The following EML6 variants were observed in gnomAD, a reference collection of about 807,000 sequenced individuals.
The protein encoded by EML6 is echinoderm microtubule-associated protein-like 6.
In EML6, 154 loss-of-function variants were observed where a neutral mutation model predicts 240.1. That is an observed-to-expected ratio of 0.64 (90% confidence interval 0.56 to 0.73). The LOEUF (loss-of-function observed/expected upper bound fraction) is 0.73, where lower values mean the gene tolerates loss of function less well. EML6 is among the 30% of genes least tolerant of loss of function. The pLI, the probability that EML6 is intolerant of heterozygous loss-of-function variation, is 0.00. For missense variants in EML6, 2,964 were observed against 2,474.6 expected (o/e 1.20, Z -4.20); for synonymous variants, 1,148 against 899.0 (o/e 1.28, Z -4.95).
intron 2 of EML6, among the ~76,000 whole-genome samples, chr2:54,806,585 C>T (rs1191941317): frequency 1.5e-5 from 2 of 130,250 alleles, no homozygotes; most frequent in African/African-American, 5.7e-5. Context: ...TGCACTCCAG[C>T]CTGGGCAACA....
chr2:54,959,189 A>G lies in EML6; in HGVS notation c.4781A>G (p.His1594Arg). 1 of 1,551,678 alleles carries G rather than the reference A, an allele frequency of 6.4e-7. No homozygotes were observed. Among genetic ancestry groups the G allele is most frequent in the Non-Finnish European group, 8.7e-7 (1 of 1,146,980 alleles). ...CTCATCCGGCTGGTGGCCAAGGCTC[A>G]CACAGGCCCCGTGTTCACAATGTAC... The part of the protein sequence containing the change: ...HFLIRLVAKA[H>R]TGPVFTMYTT... Residue 1594 changes from histidine (H) to arginine (R), a missense_variant, in exon 34 of 42, where the codon CAC becomes CGC. By Grantham distance (29) the His-to-Arg change is conservative. Transcript: ENST00000356458.
chr2:54,837,342 A>G (rs1337010701), intron 7 of EML6, among the ~76,000 whole-genome samples: 1 of 152,140 alleles, frequency 6.6e-6, no homozygotes, highest in Middle Eastern at 3.2e-3. Context: ...TGAGGCAAGT[A>G]ATACAAACTT....
chr2:54,825,708 C>A (rs1228068192), intron 5 of EML6, among the ~76,000 whole-genome samples: 1 of 152,108 alleles, frequency 6.6e-6, no homozygotes, highest in South Asian at 2.1e-4. Context: ...CCAAGGCATC[C>A]CTCTATTCCT....
intron 28 of EML6, among the ~76,000 whole-genome samples, chr2:54,943,428 G>C (rs1490686812): frequency 6.7e-6 from 1 of 148,850 alleles, no homozygotes; most frequent in Non-Finnish European, 1.5e-5. Context: ...CCTCCACCCA[G>C]CTCTCCTCAG....
intron 35 of EML6, among the ~76,000 whole-genome samples, chr2:54,961,990 T>A (rs1162264887): frequency 6.7e-6 from 1 of 149,276 alleles, no homozygotes; most frequent in Admixed American, 6.7e-5. Context: ...GGTGACAGAG[T>A]GAGACCCTGC....
intron 8 of EML6, among the ~76,000 whole-genome samples, chr2:54,846,923 A>ATTTTTTTTTTT (rs34352060): frequency 3.8e-5 from 5 of 129,910 alleles, no homozygotes; most frequent in Non-Finnish European, 4.9e-5. Context: ...ATGAAGTAGT[A>ATTTTTTTTTTT]TTTTTTTTTT....
At chr2:54,797,177 A>AAAAAAAAAAAAACAAAAC (rs1558556981) in intron 2 of EML6, among the ~76,000 whole-genome samples, 1 of 132,688 alleles carries the variant, frequency 7.5e-6, no homozygotes, top group Non-Finnish European at 1.6e-5. Context: ...AAAAAAAAAA[A>AAAAAAAAAAAAACAAAAC]AAAAAAAAAA....
intron 3 of EML6, among the ~76,000 whole-genome samples, chr2:54,815,288 A>G (rs1029069483): frequency 2.0e-5 from 3 of 152,120 alleles, no homozygotes; most frequent in African/African-American, 7.2e-5. Context: ...AACCTCTTGT[A>G]TGTTAGCCAT....
rs1045213480 is a variant in EML6 at position 54,743,511 on chromosome 2, A to G, written c.197+18253A>G. 3.3e-5 allele frequency among the ~76,000 whole-genome samples: 5 copies of G among 152,240 alleles called. No homozygotes were observed. In the South Asian group the frequency reaches 1.0e-3, roughly 32 times the overall value. On this transcript the variant is annotated intron_variant, in intron 2 of 41. Transcript: ENST00000356458. ...CTGAAGAGAATTCAGAGGTATAGTT[A>G]CATGGCTAGTAACCAACAGACCCAA...
At chr2:54,813,106 G>A (rs548257606) in intron 2 of EML6, 126 bp from the exon 3 acceptor site, 292 of 665,150 alleles carry the variant, frequency 4.4e-4, no homozygotes, top group Non-Finnish European at 5.2e-4. Context: ...TTACTTTGGG[G>A]ACAGTTCAGA....
At chr2:54,960,410 TCTGGG>T in intron 35 of EML6, 76 bp downstream of exon 35, 1 of 1,089,458 alleles carries the variant, frequency 9.2e-7, no homozygotes, top group Non-Finnish European at 1.4e-6. Context: ...CGGCACTTTC[TCTGGG>T]CTGGTTTGTT....
intron 2 of EML6, among the ~76,000 whole-genome samples, chr2:54,728,215 A>G (rs1682994340): frequency 6.6e-6 from 1 of 152,262 alleles, no homozygotes; most frequent in Non-Finnish European, 1.5e-5. Flanking sequence ...TACCAAGGAC[A>G]GTAATAGAGA....
chr2:54,812,430 C>T (rs1667895541), intron 2 of EML6, among the ~76,000 whole-genome samples: 1 of 151,952 alleles, frequency 6.6e-6, no homozygotes, highest in African/African-American at 2.4e-5. Context: ...ACACAATGAG[C>T]TAGTTTGCTA....
intron 2 of EML6, among the ~76,000 whole-genome samples, chr2:54,790,660 C>G (rs1669386046): frequency 6.6e-6 from 1 of 151,214 alleles, no homozygotes; most frequent in African/African-American, 2.4e-5. Flanking sequence ...CACAGTTGAT[C>G]ATTCACATCC....
intron 6 of EML6, 70 bp from the exon 7 acceptor site, chr2:54,829,272 C>A: frequency 7.1e-7 from 1 of 1,408,402 alleles, no homozygotes; most frequent in Non-Finnish European, 9.6e-7. Flanking sequence ...TTTAAATCAA[C>A]ATTCAACTGT....
At chr2:54,828,281 A>G (rs901068145) in intron 6 of EML6, among the ~76,000 whole-genome samples, 2 of 152,218 alleles carry the variant, frequency 1.3e-5, no homozygotes, top group African/African-American at 4.8e-5. Flanking sequence ...ATCAGAAACC[A>G]TTGATAACTA....
At chr2:54,859,448 C>T (rs1014100652) in intron 11 of EML6, 86 bp from the exon 12 acceptor site, 2 of 1,042,534 alleles carry the variant, frequency 1.9e-6, no homozygotes, top group Non-Finnish European at 2.8e-6. Flanking sequence ...AGATTTTACT[C>T]TTCAACATGA....
intron 2 of EML6, among the ~76,000 whole-genome samples, chr2:54,800,420 T>C (rs968530321): frequency 1.3e-5 from 2 of 152,106 alleles, no homozygotes; most frequent in Admixed American, 6.5e-5. Flanking sequence ...TACACACATA[T>C]AAATATATGT....
intron 7 of EML6, 48 bp from the exon 8 acceptor site, chr2:54,843,999 T>TGTGTGTGAATA (rs1669613062): frequency 8.5e-7 from 1 of 1,178,220 alleles, no homozygotes; most frequent in Admixed American, 2.0e-5. Context: ...TGTGTGTGTG[T>TGTGTGTGAATA]GTGTGAATAG....
Sources: gnomAD v4.1 joint callset for allele counts (sites outside exome capture counted in the v4.1 genomes callset) on GRCh38, gnomAD v4.1.1 for gene constraint, MANE v1.5 for transcripts, NCBI Gene and HGNC (gene_info 2026-07-23, HGNC 2026-07-21) for gene names.